Variants in SESTD1 observed in about 807,000 individuals in gnomAD.
SESTD1 encodes SEC14 and spectrin domain containing 1, also known as SEC14 domain and spectrin repeat-containing protein 1.
In SESTD1, 43 loss-of-function variants were observed where a neutral mutation model predicts 101.7. That is an observed-to-expected ratio of 0.42 (90% CI 0.33 to 0.55). The LOEUF is 0.55. SESTD1 is among the 20% of genes least tolerant of loss of function. SESTD1 has a pLI of 0.07. For synonymous variants in SESTD1, 283 were observed against 286.8 expected (o/e 0.99, Z 0.13); for missense variants, 647 against 815.1 (o/e 0.79, Z 2.51).
chr2:179,130,248 C>T (rs187057366), intron 10 of SESTD1, among the ~76,000 whole-genome samples: 281 of 152,128 alleles, frequency 1.8e-3, no homozygotes, highest in Non-Finnish European at 3.0e-3. Context: ...AACAATAGTC[C>T]AACTATTCAC....
At chr2:179,114,505 T>C (rs1225560770) in intron 16 of SESTD1, among the ~76,000 whole-genome samples, 1 of 152,258 alleles carries the variant, frequency 6.6e-6, no homozygotes, top group Non-Finnish European at 1.5e-5. Context: ...ATTGAAAATG[T>C]GTCCAAATAA....
Position 179,135,879 on chromosome 2 carries a change from C to T in SESTD1, c.850-3453G>A, listed in dbSNP as rs373226293. ...TATTGGCTAAACACTGTTTACACAG[C>T]GCTAAGTTCATTTTCAAAACTGTAT... On this transcript the variant is annotated intron_variant, in intron 9 of 17. Transcript: ENST00000428443. 1.0e-3 allele frequency among the ~76,000 whole-genome samples: 157 copies of T among 152,290 alleles called. 4 individuals are homozygous for T. In the South Asian group the frequency reaches 0.03, roughly 29 times the overall value.
In SESTD1 at chr2:179,108,425, G is replaced by A. The variant is rs1309494166; in HGVS notation, c.*1474C>T. Reference sequence around the variant, plus strand: ...AAAAACCATTCAGTTTGGTAACTGGGAGGCCATTGCTGACTTTCAAAAGAA... The same window carrying A: ...AAAAACCATTCAGTTTGGTAACTGGAAGGCCATTGCTGACTTTCAAAAGAA... On this transcript the variant is annotated 3_prime_UTR_variant, in exon 18 of 18. Transcript: ENST00000428443. 6.6e-6 allele frequency: 1 copy of A among 152,314 alleles called. No homozygotes were observed. Among genetic ancestry groups the A allele is most frequent in the Non-Finnish European group, 1.5e-5 (1 of 68,118 alleles). 9.4% of individuals were successfully genotyped at this position (152,314 alleles called of 1,614,324 possible). A position where few individuals can be genotyped will look rare whatever the true frequency, so the allele number is the denominator to read the frequency against.
At chr2:179,124,078 C>G (rs2044814234) in intron 11 of SESTD1, among the ~76,000 whole-genome samples, 1 of 152,058 alleles carries the variant, frequency 6.6e-6, no homozygotes, top group Non-Finnish European at 1.5e-5. Context: ...ACTTCCATTT[C>G]CATCTAAGTT....
At chr2:179,166,253 A>T (rs1162715911) in intron 5 of SESTD1, among the ~76,000 whole-genome samples, 1 of 152,166 alleles carries the variant, frequency 6.6e-6, no homozygotes, top group Admixed American at 6.6e-5. Context: ...AAATAAGAGG[A>T]ATAAGAGATT....
intron 13 of SESTD1, among the ~76,000 whole-genome samples, chr2:179,120,195 C>T (rs966821775): frequency 2.6e-5 from 4 of 151,822 alleles, no homozygotes; most frequent in Non-Finnish European, 5.9e-5. Context: ...TACCACTGCA[C>T]TCCAGCCTAG....
At chr2:179,246,704 A>C (rs756038255) in intron 1 of SESTD1, among the ~76,000 whole-genome samples, 2 of 152,240 alleles carry the variant, frequency 1.3e-5, no homozygotes. Context: ...GACCTGAGCA[A>C]TAAAGCAAAT....
intron 5 of SESTD1, among the ~76,000 whole-genome samples, chr2:179,156,018 C>T (rs2105455990): frequency 6.6e-6 from 1 of 152,226 alleles, no homozygotes; most frequent in African/African-American, 2.4e-5. Flanking sequence ...AGTTACTTCA[C>T]TTAGAATAAT....
chr2:179,146,165 C>T (rs912065429), intron 8 of SESTD1, among the ~76,000 whole-genome samples: 2 of 152,048 alleles, frequency 1.3e-5, no homozygotes, highest in Non-Finnish European at 2.9e-5. Flanking sequence ...AGGTTGTGTG[C>T]TCCTTATAAG....
intron 10 of SESTD1, among the ~76,000 whole-genome samples, chr2:179,129,050 T>C (rs2044949150): frequency 6.6e-6 from 1 of 152,216 alleles, no homozygotes; most frequent in African/African-American, 2.4e-5. Flanking sequence ...AATCCATATG[T>C]AGGCAGAAGG....
Position 179,104,703 on chromosome 2 carries a change from G to C in SESTD1, c.*5196C>G, listed in dbSNP as rs1057309746. The C allele has an allele frequency of 6.6e-6, 1 of 152,006 alleles. No individual in the cohort carries two copies. Among genetic ancestry groups the C allele is most frequent in the African/African-American group, 2.4e-5 (1 of 41,366 alleles). The allele number at this position is 152,006 out of a possible 1,614,324, so 9.4% of individuals were successfully genotyped here. A position where few individuals can be genotyped will look rare whatever the true frequency, so the allele number is the denominator to read the frequency against. On this transcript the variant is annotated 3_prime_UTR_variant, in exon 18 of 18. Transcript: ENST00000428443. Reference sequence around the variant, plus strand: ...TAAAATCCCTAATAACACTGCTCCTGATAAGTAGCAGTTGATAACTACTTT... The same window carrying C: ...TAAAATCCCTAATAACACTGCTCCTCATAAGTAGCAGTTGATAACTACTTT...
intron 1 of SESTD1, among the ~76,000 whole-genome samples, chr2:179,247,744 G>A (rs2047255196): frequency 6.6e-6 from 1 of 151,936 alleles, no homozygotes; most frequent in East Asian, 1.9e-4. Context: ...CTGATTAAAG[G>A]ATGTTATTTC....
chr2:179,190,977 GA>G (rs2046311207), intron 2 of SESTD1, among the ~76,000 whole-genome samples: 1 of 152,172 alleles, frequency 6.6e-6, no homozygotes, highest in Non-Finnish European at 1.5e-5. Context: ...ACTTCTCAGA[GA>G]ACTTAAAACA....
intron 12 of SESTD1, among the ~76,000 whole-genome samples, chr2:179,122,626 A>G (rs189506386): frequency 1.3e-5 from 2 of 152,360 alleles, no homozygotes; most frequent in East Asian, 3.9e-4. Context: ...GCGCTGGCTC[A>G]TGCCTGTAAT....
At chr2:179,128,727 C>CAAA (rs747412908) in intron 10 of SESTD1, among the ~76,000 whole-genome samples, 2 of 73,698 alleles carry the variant, frequency 2.7e-5, no homozygotes, top group African/African-American at 5.3e-5. Flanking sequence ...GACACTGTCT[C>CAAA]AAAAAAAAAA....
At chr2:179,133,557 C>T (rs2045061874) in intron 9 of SESTD1, among the ~76,000 whole-genome samples, 1 of 152,078 alleles carries the variant, frequency 6.6e-6, no homozygotes, top group South Asian at 2.1e-4. Context: ...TATTACCAAG[C>T]TTTACCTTTT....
At chr2:179,229,818 A>ACACACAC (rs1291808684) in intron 1 of SESTD1, among the ~76,000 whole-genome samples, 3 of 113,556 alleles carry the variant, frequency 2.6e-5, no homozygotes, top group Non-Finnish European at 5.3e-5. Context: ...CACACACACA[A>ACACACAC]CCCTACTTGA....
intron 1 of SESTD1, among the ~76,000 whole-genome samples, chr2:179,198,286 A>G (rs2046437916): frequency 6.6e-6 from 1 of 152,208 alleles, no homozygotes; most frequent in South Asian, 2.1e-4. Flanking sequence ...CCAATACAGG[A>G]GCACCCAGAT....
intron 5 of SESTD1, among the ~76,000 whole-genome samples, chr2:179,158,399 A>T (rs1210849360): frequency 1.3e-5 from 2 of 152,192 alleles, no homozygotes; most frequent in Non-Finnish European, 2.9e-5. Context: ...TAAATGCACC[A>T]AAATCATTGA....
Sources: gnomAD v4.1 joint callset for allele counts (sites outside exome capture counted in the v4.1 genomes callset) on GRCh38, gnomAD v4.1.1 for gene constraint, MANE v1.5 for transcripts, NCBI Gene and HGNC (gene_info 2026-07-23, HGNC 2026-07-21) for gene names.